Variants in ZNF385B observed in about 807,000 individuals in gnomAD.
The protein encoded by ZNF385B is zinc finger protein 533.
In ZNF385B, 23 loss-of-function variants were observed where a neutral mutation model predicts 39.2. That is an observed-to-expected ratio of 0.59 (90% CI 0.42 to 0.83). The LOEUF (loss-of-function observed/expected upper bound fraction) is 0.83, where lower values mean the gene tolerates loss of function less well. Among genes scored for constraint, ZNF385B ranks in the 40% least tolerant of loss-of-function variants. The pLI is 0.00. For missense variants in ZNF385B, 552 were observed against 598.9 expected, an observed-to-expected ratio of 0.92 and a Z score of 0.82; for synonymous variants, 205 against 222.6, an observed-to-expected ratio of 0.92 and a Z score of 0.70.
At chr2:179,460,324 G>A (rs908934853) in intron 6 of ZNF385B, among the ~76,000 whole-genome samples, 1 of 151,956 alleles carries the variant, frequency 6.6e-6, no homozygotes, top group Admixed American at 6.6e-5. Context: ...CTCAGTCCTG[G>A]GTGTAGGCCA....
intron 5 of ZNF385B, among the ~76,000 whole-genome samples, chr2:179,510,521 A>C (rs182787948): frequency 2.6e-5 from 4 of 152,284 alleles, no homozygotes; most frequent in African/African-American, 7.2e-5. Context: ...AGAGTATCTG[A>C]ATATTCAGAA....
intron 1 of ZNF385B, among the ~76,000 whole-genome samples, chr2:179,801,327 T>C (rs1706018398): frequency 6.6e-6 from 1 of 152,110 alleles, no homozygotes; most frequent in African/African-American, 2.4e-5. Flanking sequence ...AAGTTTCTCC[T>C]GGTCTGGGGT....
intron 3 of ZNF385B, among the ~76,000 whole-genome samples, chr2:179,559,416 G>A (rs2061173607): frequency 6.6e-6 from 1 of 152,074 alleles, no homozygotes; most frequent in East Asian, 1.9e-4. Context: ...CTTCAGTCAG[G>A]TAGGCAGCTT....
At chr2:179,607,955 C>G (rs962869486) in intron 3 of ZNF385B, among the ~76,000 whole-genome samples, 1 of 138,532 alleles carries the variant, frequency 7.2e-6, no homozygotes, top group African/African-American at 2.6e-5. Flanking sequence ...ACTCTTGTTG[C>G]CCAGGCTGGA....
intron 3 of ZNF385B, among the ~76,000 whole-genome samples, chr2:179,766,394 G>A (rs1395436811): frequency 3.9e-5 from 6 of 151,912 alleles, no homozygotes; most frequent in African/African-American, 1.5e-4. Flanking sequence ...TTGTTCTCTG[G>A]GGCTGTTGTA....
chr2:179,752,504 T>C (rs1448632654), intron 3 of ZNF385B, among the ~76,000 whole-genome samples: 1 of 152,202 alleles, frequency 6.6e-6, no homozygotes, highest in Non-Finnish European at 1.5e-5. Flanking sequence ...CTTGAGGAAT[T>C]GCCACACTAT....
intron 3 of ZNF385B, among the ~76,000 whole-genome samples, chr2:179,640,878 C>G (rs376304076): frequency 1.2e-4 from 19 of 152,232 alleles, no homozygotes; most frequent in African/African-American, 4.6e-4. Flanking sequence ...TAATAAACAC[C>G]ACCTATGTCA....
At chr2:179,815,328 T>C (rs1216207452) in intron 1 of ZNF385B, among the ~76,000 whole-genome samples, 1 of 152,164 alleles carries the variant, frequency 6.6e-6, no homozygotes, top group Non-Finnish European at 1.5e-5. Context: ...ATGCAGGTAA[T>C]GGGAGCAGAA....
chr2:179,776,137 G>A (rs1704301505), intron 1 of ZNF385B, among the ~76,000 whole-genome samples: 1 of 152,236 alleles, frequency 6.6e-6, no homozygotes, highest in Admixed American at 6.5e-5. Flanking sequence ...CAACTTTGGA[G>A]AAAGCAGTGA....
At chr2:179,844,385 T>C (rs2106619793) in intron 1 of ZNF385B, among the ~76,000 whole-genome samples, 1 of 152,330 alleles carries the variant, frequency 6.6e-6, no homozygotes, top group East Asian at 1.9e-4. Flanking sequence ...CACTATAGTC[T>C]TATGACTTAA....
chr2:179,598,613 A>G (rs1470992482), intron 3 of ZNF385B, among the ~76,000 whole-genome samples: 1 of 152,154 alleles, frequency 6.6e-6, no homozygotes, highest in African/African-American at 2.4e-5. Context: ...TAAAACCTCT[A>G]TGTATGAGGT....
At position 179,769,806 on chromosome 2, in the gene ZNF385B, AAAAAC is replaced by A; in HGVS notation, c.-2-9_-2-5del. The A allele has an allele frequency of 6.3e-7, 1 of 1,595,450 alleles. No homozygotes were observed. The highest frequency in any genetic ancestry group is 8.5e-7 in the Non-Finnish European group (1 of 1,170,120). On this transcript the variant is annotated splice_region_variant and splice_polypyrimidine_tract_variant and intron_variant, in intron 2 of 9. Coordinates refer to ENST00000410066, the MANE Select transcript of ZNF385B (RefSeq NM_152520.6). Reference sequence around the variant, plus strand: ...GGGCTTAAGGAGTACCTCATGCCTGAAAAACAAAACAAGTACAAGTGCTTCTGAAA... The same window carrying A: ...GGGCTTAAGGAGTACCTCATGCCTGAAAAACAAGTACAAGTGCTTCTGAAA...
intron 3 of ZNF385B, among the ~76,000 whole-genome samples, chr2:179,706,521 G>A: frequency 6.6e-6 from 1 of 152,120 alleles, no homozygotes; most frequent in East Asian, 1.9e-4. Context: ...CAAATCCTGG[G>A]CTGGCCATCC....
intron 5 of ZNF385B, among the ~76,000 whole-genome samples, chr2:179,510,374 T>C (rs149604857): frequency 0.013 from 1,939 of 152,220 alleles, 40 homozygotes; most frequent in African/African-American, 0.043. Context: ...TATATGTGTG[T>C]ATGTGTGTGT....
chr2:179,450,192 G>A (rs1206855451), intron 6 of ZNF385B, among the ~76,000 whole-genome samples: 3 of 151,852 alleles, frequency 2.0e-5, no homozygotes, highest in Non-Finnish European at 4.4e-5. Flanking sequence ...ATAGGCATGG[G>A]CAAGGACTTC....
chr2:179,746,308 T>A (rs553322111), intron 3 of ZNF385B, among the ~76,000 whole-genome samples: 1 of 152,190 alleles, frequency 6.6e-6, no homozygotes, highest in African/African-American at 2.4e-5. Context: ...CGAGGACTTA[T>A]AAAGGCTGCA....
chr2:179,744,919 T>C (rs73973719), intron 3 of ZNF385B, among the ~76,000 whole-genome samples: 39 of 152,146 alleles, frequency 2.6e-4, no homozygotes, highest in African/African-American at 8.2e-4. Context: ...GCTAACTTTG[T>C]GTCTGCCCTT....
chr2:179,861,284 C>T lies in ZNF385B; in HGVS notation c.-338G>A. The stretch of plus-strand genomic sequence containing the variant: ...GTAGCAGCGGCGGCGGTGGAGGTGG[C>T]GCGGGCGACAGCTCGGCCCGGCGCG... On this transcript the variant is annotated 5_prime_UTR_variant, in exon 1 of 10. Coordinates refer to ENST00000410066, the MANE Select transcript of ZNF385B (RefSeq NM_152520.6). The T allele has an allele frequency of 6.3e-6, 1 of 157,798 alleles. No homozygotes were observed. Among genetic ancestry groups the T allele is most frequent in the Non-Finnish European group, 1.4e-5 (1 of 72,440 alleles). 9.8% of individuals were successfully genotyped at this position (157,798 alleles called of 1,614,324 possible). A position where few individuals can be genotyped will look rare whatever the true frequency, so the allele number is the denominator to read the frequency against.
At chr2:179,729,883 G>A (rs1320894996) in intron 3 of ZNF385B, among the ~76,000 whole-genome samples, 1 of 152,120 alleles carries the variant, frequency 6.6e-6, no homozygotes, top group African/African-American at 2.4e-5. Flanking sequence ...CTGCCACCGT[G>A]TAAGATGTAT....
Sources: allele counts gnomAD v4.1 joint callset (sites outside exome capture counted in the v4.1 genomes callset), GRCh38; gene constraint gnomAD v4.1.1; transcripts MANE v1.5; gene names NCBI Gene and HGNC (gene_info 2026-07-23, HGNC 2026-07-21).